Variants in DRC4 observed in about 807,000 individuals in gnomAD.
DRC4 encodes the protein GAS-11.
chr16:90,037,965 T>C, the DRC4 span: 1 of 891,182 alleles, frequency 1.1e-6, no homozygotes, highest in South Asian at 1.4e-5. Context: ...GCACCCCTGC[T>C]AGCCAGGGAC....
At chr16:90,032,905 T>A in the DRC4 span, 1,381 of 1,613,424 alleles carry the variant, frequency 8.6e-4, 7 homozygotes, top group African/African-American at 0.016. Flanking sequence ...AGTGAGGTGG[T>A]GGTGAAGAAC....
the DRC4 span, chr16:90,043,294 C>A: frequency 6.2e-7 from 1 of 1,613,240 alleles, no homozygotes; most frequent in Non-Finnish European, 8.5e-7. Flanking sequence ...CAGCTGTGAT[C>A]GGACAGACAC....
At chr16:90,027,124 C>T in the DRC4 span, among the ~76,000 whole-genome samples, 7 of 146,746 alleles carry the variant, frequency 4.8e-5, no homozygotes, top group South Asian at 2.2e-4. Flanking sequence ...CTCACTCTGT[C>T]GTCCTGGCTG....
the DRC4 span, chr16:90,044,210 T>A: frequency 2.2e-6 from 1 of 453,128 alleles, no homozygotes; most frequent in South Asian, 1.6e-5. Flanking sequence ...CCCAGAGAGC[T>A]GGAGTTGGCT....
the DRC4 span, among the ~76,000 whole-genome samples, chr16:90,033,804 G>T: frequency 1.1e-4 from 16 of 152,076 alleles, no homozygotes; most frequent in Non-Finnish European, 1.6e-4. Flanking sequence ...AAACGTGCCA[G>T]ATACAACAGA....
the DRC4 span, among the ~76,000 whole-genome samples, chr16:90,034,935 C>CTTTTTTTTTTTTT: frequency 1.2e-5 from 1 of 84,652 alleles, no homozygotes. Flanking sequence ...TGGAGTTTTG[C>CTTTTTTTTTTTTT]TCTTGTTGCC....
the DRC4 span, chr16:90,036,503 C>T: frequency 2.2e-5 from 35 of 1,613,796 alleles, no homozygotes; most frequent in African/African-American, 8.0e-5. Flanking sequence ...GCTGATGCAG[C>T]GCCACGAGGA....
chr16:90,025,173 C>A, the DRC4 span, among the ~76,000 whole-genome samples: 1 of 150,604 alleles, frequency 6.6e-6, no homozygotes, highest in African/African-American at 2.4e-5. Context: ...CCCGCCACCA[C>A]GCCTGGCTAA....
chr16:90,022,547 G>T, the DRC4 span: 1 of 595,868 alleles, frequency 1.7e-6, no homozygotes, highest in Non-Finnish European at 2.6e-6. Context: ...GGTTCCTTCC[G>T]GACGCCCGTC....
the DRC4 span, chr16:90,031,646 A>T: frequency 1.2e-6 from 1 of 832,856 alleles, no homozygotes; most frequent in Admixed American, 2.9e-5. Flanking sequence ...TGAGGGAGAG[A>T]CCCTGCAGGT....
chr16:90,043,804 G>C, the DRC4 span: 2 of 469,512 alleles, frequency 4.3e-6, no homozygotes, highest in Non-Finnish European at 8.9e-6. Flanking sequence ...TCCCTAGGAA[G>C]TGGTGAGCCA....
chr16:90,040,775 G>T, the DRC4 span, among the ~76,000 whole-genome samples: 1 of 147,648 alleles, frequency 6.8e-6, no homozygotes. Context: ...GAATGGGGAC[G>T]GGCAGAGGGT....
At chr16:90,033,492 A>G in the DRC4 span, among the ~76,000 whole-genome samples, 7 of 152,216 alleles carry the variant, frequency 4.6e-5, no homozygotes, top group Admixed American at 3.9e-4. Context: ...GTTGAACCCC[A>G]TGTCTAAAAA....
the DRC4 span, chr16:90,019,663 C>A: frequency 4.5e-6 from 2 of 448,838 alleles, no homozygotes; most frequent in Non-Finnish European, 3.9e-6. This position sits in a 1 kb window ranked among gnomAD's most constrained non-coding sequence, Gnocchi z 6.1. Flanking sequence ...CCGCCGCGGA[C>A]ACCACCGGGA....
the DRC4 span, chr16:90,029,791 G>C: frequency 2.1e-3 from 374 of 179,460 alleles, 2 homozygotes; most frequent in South Asian, 0.014. Context: ...GAATCTCGCT[G>C]TGTGGCCCAG....
At chr16:90,023,768 C>A in the DRC4 span, among the ~76,000 whole-genome samples, 1 of 150,776 alleles carries the variant, frequency 6.6e-6, no homozygotes, top group Non-Finnish European at 1.5e-5. Flanking sequence ...CCGAGGCAGG[C>A]GGATCATGAG....
At chr16:90,043,352 C>CT in the DRC4 span, 1 of 1,603,558 alleles carries the variant, frequency 6.2e-7, no homozygotes, top group Non-Finnish European at 8.5e-7. Context: ...GTAGCTGCCC[C>CT]CCTGGGGGGC....
At chr16:90,030,730 C>G in the DRC4 span, among the ~76,000 whole-genome samples, 1 of 152,118 alleles carries the variant, frequency 6.6e-6, no homozygotes, top group Non-Finnish European at 1.5e-5. Flanking sequence ...GACCCTCCCA[C>G]CTCAGCTCTC....
chr16:90,027,733 C>T, the DRC4 span: 92 of 1,606,330 alleles, frequency 5.7e-5, 1 homozygote, highest in Middle Eastern at 6.7e-4. Context: ...GTGAGCAGAG[C>T]GGGCTGTGGC....
Sources: gnomAD v4.1 joint callset for allele counts (sites outside exome capture counted in the v4.1 genomes callset) on GRCh38, gnomAD v4.1.1 for gene constraint, Gnocchi (gnomAD v3.1) non-coding constraint, MANE v1.5 for transcripts, NCBI Gene and HGNC (gene_info 2026-07-23, HGNC 2026-07-21) for gene names.